ADGRL2: variants seen among roughly 807,000 people sequenced by gnomAD.
ADGRL2 encodes calcium-independent alpha-latrotoxin receptor 2.
In ADGRL2, 44 loss-of-function variants were observed where a neutral mutation model predicts 157.4. That is an observed-to-expected ratio of 0.28 (90% confidence interval 0.22 to 0.36). The LOEUF is 0.36. Among genes scored for constraint, ADGRL2 ranks in the 10% least tolerant of loss-of-function variants. The pLI is 1.00. For synonymous variants in ADGRL2, 585 were observed against 624.7 expected, an observed-to-expected ratio of 0.94 and a Z score of 0.95; for missense variants, 1,510 against 1,768.9, an observed-to-expected ratio of 0.85 and a Z score of 2.63.
chr1:81,478,942 A>G (rs72940984), intron 2 of ADGRL2, among the ~76,000 whole-genome samples: 1 of 151,920 alleles, frequency 6.6e-6, no homozygotes, highest in Non-Finnish European at 1.5e-5. Context: ...GCTAATATCC[A>G]AGACTGCACA....
rs549271782 is a variant in ADGRL2 at position 81,937,138 on chromosome 1, C to G, written c.397+301C>G. On this transcript the variant is annotated intron_variant, in intron 4 of 23. Transcript: ENST00000686636. The stretch of plus-strand genomic sequence containing the variant: ...TAGAAATCTGTACTTTTGCCCAATA[C>G]CAGTTGCTGACAAATTGGTTTGGCT... Among the ~76,000 whole-genome samples, 30 of 151,970 alleles carry G rather than the reference C, an allele frequency of 2.0e-4. No homozygotes were observed. The South Asian group carries it at 5.2e-3, about 26-fold the overall frequency.
At position 81,730,670 on chromosome 1, in the gene ADGRL2, C is replaced by G. The variant is rs1432558429; in HGVS notation, c.-143+30862C>G. 2.6e-5 allele frequency among the ~76,000 whole-genome samples: 4 copies of G among 151,914 alleles called. No homozygotes were observed. The East Asian group carries it at 5.8e-4, about 22-fold the overall frequency. Reference sequence around the variant, plus strand: ...CCTGGGAGGCAGAAGCTGCAGTGAACCGAGATTGTGCCACTGCACTCCAGC... The same window carrying G: ...CCTGGGAGGCAGAAGCTGCAGTGAAGCGAGATTGTGCCACTGCACTCCAGC... On this transcript the variant is annotated intron_variant, in intron 1 of 20. Coordinates refer to the ADGRL2 transcript ENST00000359929.
chr1:81,962,711 T>A (rs1021560099), intron 11 of ADGRL2, among the ~76,000 whole-genome samples: 3 of 152,224 alleles, frequency 2.0e-5, no homozygotes, highest in African/African-American at 7.2e-5. Flanking sequence ...GCAGCTGATT[T>A]GATTTTTCCC....
chr1:81,695,397 A>T (rs1295419743), upstream of ADGRL2, among the ~76,000 whole-genome samples: 1 of 152,176 alleles, frequency 6.6e-6, no homozygotes, highest in African/African-American at 2.4e-5. Flanking sequence ...TTTTCTAAAG[A>T]TACTTTTCAT....
At chr1:81,748,467 C>CAAAAAAAAAAAAAA (rs973818702) in intron 1 of ADGRL2, among the ~76,000 whole-genome samples, 13 of 42,394 alleles carry the variant, frequency 3.1e-4, no homozygotes, top group Non-Finnish European at 3.9e-4. Context: ...GATTCCGTCT[C>CAAAAAAAAAAAAAA]AAAAAAAAAA....
At chr1:81,622,119 T>C (rs2081805423) in intron 3 of ADGRL2, among the ~76,000 whole-genome samples, 1 of 152,194 alleles carries the variant, frequency 6.6e-6, no homozygotes, top group African/African-American at 2.4e-5. Flanking sequence ...GATAACTTTT[T>C]TTCTCATCAT....
chr1:81,504,246 A>G (rs2078919558), intron 2 of ADGRL2, among the ~76,000 whole-genome samples: 1 of 151,798 alleles, frequency 6.6e-6, no homozygotes, highest in Non-Finnish European at 1.5e-5. Flanking sequence ...TGCTTTCCCA[A>G]AAACAGCCCA....
At chr1:81,840,332 T>A (rs190684823) in intron 2 of ADGRL2, among the ~76,000 whole-genome samples, 113 of 152,248 alleles carry the variant, frequency 7.4e-4, no homozygotes, top group Non-Finnish European at 1.3e-3. Context: ...GGGTTATGCC[T>A]TTCCTTTTAG....
chr1:81,362,474 CCTT>C (rs1255405448), intron 1 of ADGRL2, among the ~76,000 whole-genome samples: 1 of 151,666 alleles, frequency 6.6e-6, no homozygotes, highest in Admixed American at 6.6e-5. Context: ...ATTACATTGC[CCTT>C]CTATCATTAT....
intron 1 of ADGRL2, among the ~76,000 whole-genome samples, chr1:81,354,993 G>C (rs902300166): frequency 6.6e-6 from 1 of 152,074 alleles, no homozygotes; most frequent in African/African-American, 2.4e-5. Flanking sequence ...AACTGTATAG[G>C]AAAAAAATAC....
intron 2 of ADGRL2, among the ~76,000 whole-genome samples, chr1:81,861,012 G>A (rs2093369630): frequency 7.4e-6 from 1 of 135,744 alleles, no homozygotes; most frequent in Non-Finnish European, 1.6e-5. Flanking sequence ...ATATTTCACT[G>A]ACTTTTTTTT....
intron 3 of ADGRL2, among the ~76,000 whole-genome samples, chr1:81,629,724 T>C (rs920190697): frequency 1.5e-4 from 22 of 151,716 alleles, no homozygotes. Context: ...TACATATGTA[T>C]GTGCATGCAT....
chr1:81,816,713 T>G (rs1471637593), intron 1 of ADGRL2, among the ~76,000 whole-genome samples: 1 of 152,006 alleles, frequency 6.6e-6, no homozygotes, highest in Non-Finnish European at 1.5e-5. Context: ...ATGTTTGGCA[T>G]TATTCAACTC....
chr1:81,465,199 A>G (rs2078027386), intron 2 of ADGRL2, among the ~76,000 whole-genome samples: 1 of 152,226 alleles, frequency 6.6e-6, no homozygotes, highest in South Asian at 2.1e-4. Flanking sequence ...TACACAACAT[A>G]AAAGCAATAA....
chr1:81,828,424 T>G lies in ADGRL2; in HGVS notation c.-100-8461T>G, dbSNP rs149602094. 3.7e-4 allele frequency among the ~76,000 whole-genome samples: 56 copies of G among 152,182 alleles called. 1 individual carries two copies. The East Asian group carries it at 0.01, about 28-fold the overall frequency. On this transcript the variant is annotated intron_variant, in intron 1 of 23. Coordinates refer to ENST00000686636, the MANE Select transcript of ADGRL2 (RefSeq NM_001366006.2). ...TTGGAAATGTTTTTTTTTAAGCAGA[T>G]TTTTGCTTTTCTTTATATGTGGAGT...
chr1:81,443,827 T>C (rs1038591453), intron 1 of ADGRL2, among the ~76,000 whole-genome samples: 2 of 152,222 alleles, frequency 1.3e-5, no homozygotes, highest in Admixed American at 1.3e-4. Context: ...AAGATACTCC[T>C]TGTTAGGCAA....
At chr1:81,820,483 A>G (rs1288208077) in intron 1 of ADGRL2, among the ~76,000 whole-genome samples, 1 of 152,150 alleles carries the variant, frequency 6.6e-6, no homozygotes, top group Non-Finnish European at 1.5e-5. Flanking sequence ...AAATCTGAAT[A>G]TTAGTTCACA....
intron 1 of ADGRL2, among the ~76,000 whole-genome samples, chr1:81,736,142 CA>C (rs71085371): frequency 0.096 from 8,849 of 92,438 alleles, 232 homozygotes; most frequent in Non-Finnish European, 0.12. Flanking sequence ...GACCCCGTCT[CA>C]AAAAAAAAAA....
chr1:81,509,099 T>C (rs542711748), intron 2 of ADGRL2, among the ~76,000 whole-genome samples: 19 of 152,336 alleles, frequency 1.2e-4, no homozygotes, highest in Admixed American at 5.2e-4. Context: ...ACATTCCTTG[T>C]GCATCAATTC....
Sources: gnomAD v4.1 joint callset for allele counts (sites outside exome capture counted in the v4.1 genomes callset) on GRCh38, gnomAD v4.1.1 for gene constraint, MANE v1.5 for transcripts, NCBI Gene and HGNC (gene_info 2026-07-23, HGNC 2026-07-21) for gene names.